PAK3: variants seen among roughly 807,000 people sequenced by gnomAD.
PAK3 encodes the protein p21 (RAC1) activated kinase 3, also known as serine/threonine-protein kinase PAK 3.
Under a neutral mutation model 41.0 loss-of-function variants are expected in PAK3, and 4 were observed. The observed-to-expected ratio is 0.10, with a 90% CI of 0.05 to 0.22. The LOEUF is 0.22. PAK3 is among the 10% of genes least tolerant of loss of function. PAK3 has a pLI of 1.00. For synonymous variants in PAK3, 146 were observed against 139.6 expected (o/e 1.05, Z -0.32); for missense variants, 205 against 409.9 (o/e 0.50, Z 4.32).
intron 11 of PAK3, among the ~76,000 whole-genome samples, chrX:111,181,734 AT>A (rs755826208): frequency 0.035 from 3,371 of 95,705 alleles, 125 homozygotes; most frequent in African/African-American, 0.1. Context: ...AAAACCTCTG[AT>A]TTTTTTTTTT....
At chrX:111,152,539 G>C in intron 8 of PAK3, 92 bp downstream of exon 8, 1 of 635,349 alleles carries the variant, frequency 1.6e-6, no homozygotes. Flanking sequence ...TAGATATAAA[G>C]TCTTTTAAAA....
chrX:111,017,444 A>G (rs2092109255), intron 1 of PAK3, among the ~76,000 whole-genome samples: 1 of 111,716 alleles, frequency 9.0e-6, no homozygotes, highest in Non-Finnish European at 1.9e-5. Flanking sequence ...TAAAAAGATT[A>G]TAAGGGAGTA....
intron 5 of PAK3, among the ~76,000 whole-genome samples, chrX:111,125,873 T>A (rs1007665230): frequency 1.8e-5 from 2 of 111,939 alleles, no homozygotes; most frequent in Non-Finnish European, 3.8e-5. Context: ...ACTGGACAGC[T>A]AATAAGCTAC....
At chrX:111,076,051 C>T (rs749951247) in intron 1 of PAK3, among the ~76,000 whole-genome samples, 1 of 112,328 alleles carries the variant, frequency 8.9e-6, no homozygotes, top group South Asian at 3.7e-4. Flanking sequence ...CGCCATTGTA[C>T]CTTGGGAGTG....
Position 111,077,652 on chromosome X carries a change from A to G in PAK3, c.-27-45425A>G, listed in dbSNP as rs908902876. ...AGCTTCACTCATAATATACACAAAGACTAAGTCAAAATGGGTTGAAGACTT... is the reference window on the plus strand; with the variant it reads ...AGCTTCACTCATAATATACACAAAGGCTAAGTCAAAATGGGTTGAAGACTT... On this transcript the variant is annotated intron_variant, in intron 1 of 14. Transcript: ENST00000425146. Among the ~76,000 whole-genome samples, 5 of 112,007 alleles carry G rather than the reference A, an allele frequency of 4.5e-5. No individual in the cohort carries two copies. The Admixed American group carries it at 4.7e-4, about 11-fold the overall frequency.
intron 1 of PAK3, among the ~76,000 whole-genome samples, chrX:111,056,969 C>T (rs1416397030): frequency 2.7e-5 from 3 of 111,507 alleles, no homozygotes; most frequent in African/African-American, 9.8e-5. Context: ...ATTTACATTC[C>T]AATAAAGTGT....
intron 4 of PAK3, among the ~76,000 whole-genome samples, chrX:111,114,793 C>A (rs2093434008): frequency 8.9e-6 from 1 of 112,007 alleles, no homozygotes; most frequent in Non-Finnish European, 1.9e-5. Context: ...TTATTATGAA[C>A]ACCCGAGTTT....
In PAK3 at chrX:110,983,874, T is replaced by A. The variant is rs754889280; in HGVS notation, c.-28+39246T>A. Among the ~76,000 whole-genome samples the A allele has an allele frequency of 3.6e-5, 4 of 111,915 alleles. No individual in the cohort carries two copies. In the East Asian group the frequency reaches 1.1e-3, roughly 31 times the overall value. On this transcript the variant is annotated intron_variant, in intron 1 of 14. Transcript: ENST00000425146. The stretch of plus-strand genomic sequence containing the variant: ...GTAAATGGCACTACCGCTCACCTGG[T>A]TGCTTAAGTCAAACTCCTGGTGGTT...
At chrX:111,153,460 A>G (rs908257442) in intron 8 of PAK3, among the ~76,000 whole-genome samples, 3 of 112,286 alleles carry the variant, frequency 2.7e-5, no homozygotes, top group Admixed American at 9.4e-5. Context: ...ATGATCTCAG[A>G]TAAGGCTTCC....
intron 1 of PAK3, among the ~76,000 whole-genome samples, chrX:111,063,508 A>G (rs2092675011): frequency 8.9e-6 from 1 of 111,846 alleles, no homozygotes; most frequent in South Asian, 3.7e-4. Context: ...CTAACTAAAG[A>G]GAACAAAGAT....
At chrX:111,090,162 C>G (rs2092919140) in intron 1 of PAK3, among the ~76,000 whole-genome samples, 1 of 111,179 alleles carries the variant, frequency 9.0e-6, no homozygotes, top group African/African-American at 3.3e-5. Flanking sequence ...GCTTTGGGGA[C>G]TGGGTTTGGC....
chrX:111,029,330 G>A (rs959119282), intron 1 of PAK3, among the ~76,000 whole-genome samples: 11 of 111,278 alleles, frequency 9.9e-5, no homozygotes, highest in African/African-American at 3.6e-4. Flanking sequence ...CCATATGGGA[G>A]TTAGGGTTGC....
At chrX:110,990,885 TG>T (rs776882565) in intron 1 of PAK3, among the ~76,000 whole-genome samples, 27 of 110,558 alleles carry the variant, frequency 2.4e-4, no homozygotes, top group Admixed American at 2.4e-3. Context: ...CCCAGCAATT[TG>T]GGAGGCTCAG....
At chrX:111,006,065 C>T (rs957439445) in intron 1 of PAK3, among the ~76,000 whole-genome samples, 11 of 111,467 alleles carry the variant, frequency 9.9e-5, no homozygotes, top group African/African-American at 3.6e-4. Context: ...CAGCCCTGCA[C>T]ATTAGAATCT....
rs1284795338 is a variant in PAK3, at chrX:111,225,863, A to G, written c.*5416A>G. Reference sequence around the variant, plus strand: ...TATGTTGCAGTTAAATAAAAGAACTATGTAAGATGATTTTTAAAATTCAAG... The same window carrying G: ...TATGTTGCAGTTAAATAAAAGAACTGTGTAAGATGATTTTTAAAATTCAAG... On this transcript the variant is annotated 3_prime_UTR_variant, in exon 18 of 18. Coordinates refer to ENST00000372007, the MANE Select transcript of PAK3 (RefSeq NM_002578.5). 1 of 111,644 alleles carries G rather than the reference A, an allele frequency of 9.0e-6. No homozygotes were observed. The highest frequency in any genetic ancestry group is 1.9e-5 in the Non-Finnish European group (1 of 53,223). The allele number at this position is 111,644 out of a possible 1,213,427, so 9.2% of individuals were successfully genotyped here.
At chrX:111,118,955 C>T (rs1346045495) in intron 4 of PAK3, among the ~76,000 whole-genome samples, 1 of 110,898 alleles carries the variant, frequency 9.0e-6, no homozygotes, top group African/African-American at 3.3e-5. Flanking sequence ...AAACTATTAC[C>T]AAGATGCATG....
In PAK3 at chrX:110,999,763, C is replaced by G. The variant is rs1020859086; in HGVS notation, c.-28+55135C>G. 2.7e-5 allele frequency among the ~76,000 whole-genome samples: 3 copies of G among 109,180 alleles called. No individual in the cohort carries two copies. In the East Asian group the frequency reaches 8.7e-4, roughly 32 times the overall value. The allele number at this position is 109,180 out of a possible 115,157, so 94.8% of individuals were successfully genotyped here. On this transcript the variant is annotated intron_variant, in intron 1 of 14. Coordinates refer to the PAK3 transcript ENST00000425146. ...CCAAGGCAGGTGGATCACTTGAGGT[C>G]AGGAGTTTGAGAACAGCCTGGCCAA...
At chrX:111,086,227 T>A (rs1351543149) in intron 1 of PAK3, among the ~76,000 whole-genome samples, 1 of 111,692 alleles carries the variant, frequency 9.0e-6, no homozygotes, top group Non-Finnish European at 1.9e-5. Context: ...ACCACAAATC[T>A]GTAAGAGAAA....
At chrX:111,140,157 G>C (rs2093851302) in intron 5 of PAK3, among the ~76,000 whole-genome samples, 1 of 111,784 alleles carries the variant, frequency 8.9e-6, no homozygotes, top group African/African-American at 3.3e-5. Flanking sequence ...CCAACATGTG[G>C]ATCCACCCCT....
Sources: gnomAD v4.1 joint callset for allele counts (sites outside exome capture counted in the v4.1 genomes callset) on GRCh38, gnomAD v4.1.1 for gene constraint, MANE v1.5 for transcripts, NCBI Gene and HGNC (gene_info 2026-07-23, HGNC 2026-07-21) for gene names.